GALNT17: variants seen among roughly 807,000 people sequenced by gnomAD.
GALNT17 encodes the protein polypeptide N-acetylgalactosaminyltransferase 17, also known as UDP-GalNAc:polypeptide N-acetylgalactosaminyltransferase-like 3.
Under a neutral mutation model 63.7 loss-of-function variants are expected in GALNT17, and 29 were observed. The observed-to-expected ratio is 0.46, with a 90% CI of 0.34 to 0.62. GALNT17 has a LOEUF of 0.62. GALNT17 is among the 20% of genes least tolerant of loss of function. The pLI, the probability that GALNT17 is intolerant of heterozygous loss-of-function variation, is 0.01. For missense variants in GALNT17, 603 were observed against 799.6 expected (o/e 0.75, Z 2.97); for synonymous variants, 305 against 318.3 (o/e 0.96, Z 0.45).
At chr7:71,694,507 T>C (rs923256173) in intron 9 of GALNT17, among the ~76,000 whole-genome samples, 1 of 152,048 alleles carries the variant, frequency 6.6e-6, no homozygotes, top group Non-Finnish European at 1.5e-5. Flanking sequence ...GCAATTCTCC[T>C]GCCTCAGCCT....
At chr7:71,330,113 A>G (rs1450517618) in intron 1 of GALNT17, among the ~76,000 whole-genome samples, 2 of 151,658 alleles carry the variant, frequency 1.3e-5, no homozygotes, top group African/African-American at 4.8e-5. Context: ...CCCAGGTTCA[A>G]ATGATTCTCC....
At chr7:71,242,414 G>A (rs529745761) in intron 1 of GALNT17, among the ~76,000 whole-genome samples, 2 of 151,458 alleles carry the variant, frequency 1.3e-5, no homozygotes, top group Non-Finnish European at 2.9e-5. Context: ...GACTACAGGC[G>A]CCTACCACCA....
At chr7:71,460,866 C>T (rs964886662) in intron 5 of GALNT17, among the ~76,000 whole-genome samples, 6 of 152,176 alleles carry the variant, frequency 3.9e-5, no homozygotes, top group Non-Finnish European at 1.5e-5. Context: ...CCAGAGGTCA[C>T]TCCCGTCGCC....
At chr7:71,453,238 A>G (rs1787298115) in intron 5 of GALNT17, among the ~76,000 whole-genome samples, 1 of 152,182 alleles carries the variant, frequency 6.6e-6, no homozygotes, top group Non-Finnish European at 1.5e-5. Flanking sequence ...TATTCCAGGT[A>G]TCTTTTGTCT....
chr7:71,230,771 G>C (rs1196965158), intron 1 of GALNT17, among the ~76,000 whole-genome samples: 3 of 152,186 alleles, frequency 2.0e-5, no homozygotes, highest in Non-Finnish European at 2.9e-5. Context: ...TGGTTTTTCA[G>C]ATCCCCTTCG....
chr7:71,606,493 G>A (rs1004561502), intron 6 of GALNT17, among the ~76,000 whole-genome samples: 1 of 152,104 alleles, frequency 6.6e-6, no homozygotes, highest in Non-Finnish European at 1.5e-5. Context: ...TTACTGACCT[G>A]TAATAGCATC....
intron 1 of GALNT17, among the ~76,000 whole-genome samples, chr7:71,155,909 A>C (rs1035468396): frequency 1.3e-5 from 2 of 151,900 alleles, no homozygotes; most frequent in African/African-American, 4.9e-5. Flanking sequence ...TAAAAATTTC[A>C]TTCTTGGCTG....
At chr7:71,201,376 C>G (rs1190837986) in intron 1 of GALNT17, among the ~76,000 whole-genome samples, 1 of 151,036 alleles carries the variant, frequency 6.6e-6, no homozygotes, top group Admixed American at 6.6e-5. Context: ...GCTGAGAACT[C>G]AGATATTTAT....
At chr7:71,134,012 G>A (rs1787736297) in intron 1 of GALNT17, among the ~76,000 whole-genome samples, 1 of 152,162 alleles carries the variant, frequency 6.6e-6, no homozygotes, top group African/African-American at 2.4e-5. Flanking sequence ...CTTGCTCTGT[G>A]CCAGATGCGT....
chr7:71,206,479 T>A (rs1789274280), intron 1 of GALNT17, among the ~76,000 whole-genome samples: 1 of 152,126 alleles, frequency 6.6e-6, no homozygotes, highest in Non-Finnish European at 1.5e-5. Context: ...ATTTTGTAAA[T>A]AAGTCACATG....
chr7:71,330,330 G>A (rs1791786718), intron 1 of GALNT17, among the ~76,000 whole-genome samples: 2 of 152,030 alleles, frequency 1.3e-5, no homozygotes, highest in Non-Finnish European at 2.9e-5. Flanking sequence ...TGGGATTTCT[G>A]AAGTCAAACA....
chr7:71,165,994 G>A (rs1788434174), intron 1 of GALNT17, among the ~76,000 whole-genome samples: 1 of 151,962 alleles, frequency 6.6e-6, no homozygotes, highest in South Asian at 2.1e-4. Context: ...TTGTTTGCAA[G>A]GGCCCTCTGT....
At chr7:71,183,411 G>C (rs754137367) in intron 1 of GALNT17, among the ~76,000 whole-genome samples, 10 of 152,062 alleles carry the variant, frequency 6.6e-5, no homozygotes, top group Non-Finnish European at 1.2e-4. Flanking sequence ...CCATTCAAAG[G>C]CTCCCACTCT....
At chr7:71,566,482 A>G (rs1301534872) in intron 5 of GALNT17, among the ~76,000 whole-genome samples, 1 of 151,982 alleles carries the variant, frequency 6.6e-6, no homozygotes, top group Non-Finnish European at 1.5e-5. Context: ...GTGCTCAGAA[A>G]CACCCTCTAG....
chr7:71,694,028 T>C (rs1791502503), intron 9 of GALNT17, among the ~76,000 whole-genome samples: 1 of 151,820 alleles, frequency 6.6e-6, no homozygotes, highest in South Asian at 2.1e-4. Context: ...AACAAGGAGG[T>C]TTAATGGACT....
intron 1 of GALNT17, among the ~76,000 whole-genome samples, chr7:71,250,336 C>T (rs1790174603): frequency 6.6e-6 from 1 of 152,140 alleles, no homozygotes; most frequent in South Asian, 2.1e-4. Flanking sequence ...TACAGCCCTT[C>T]TTAAGTTTTT....
intron 1 of GALNT17, among the ~76,000 whole-genome samples, chr7:71,291,891 T>C (rs1382003668): frequency 6.6e-6 from 1 of 152,244 alleles, no homozygotes; most frequent in Non-Finnish European, 1.5e-5. Flanking sequence ...TTCTGGTGCA[T>C]TAATTTCTGC....
chr7:71,485,362 G>C (rs1787893039), intron 5 of GALNT17, among the ~76,000 whole-genome samples: 1 of 152,198 alleles, frequency 6.6e-6, no homozygotes, highest in South Asian at 2.1e-4. Flanking sequence ...GTCCCAAAGT[G>C]CTGGGATTAC....
At chr7:71,599,722 C>T (rs1562705711) in intron 6 of GALNT17, among the ~76,000 whole-genome samples, 1 of 151,898 alleles carries the variant, frequency 6.6e-6, no homozygotes, top group Non-Finnish European at 1.5e-5. Context: ...AGGATACCCC[C>T]CCCACCCCAC....
Sources: gnomAD v4.1 joint callset for allele counts (sites outside exome capture counted in the v4.1 genomes callset) on GRCh38, gnomAD v4.1.1 for gene constraint, MANE v1.5 for transcripts, NCBI Gene and HGNC (gene_info 2026-07-23, HGNC 2026-07-21) for gene names.